The following PSTPIP2 variants were observed in gnomAD, a reference collection of about 807,000 sequenced individuals.
The protein encoded by PSTPIP2 is proline-serine-threonine phosphatase-interacting protein 2.
In PSTPIP2, 33 loss-of-function variants were observed where a neutral mutation model predicts 63.3. The observed-to-expected ratio is 0.52, with a 90% CI of 0.40 to 0.70. The LOEUF is 0.70. Ranked by LOEUF, PSTPIP2 falls within the 30% of genes least tolerant of loss-of-function variation. The probability of loss-of-function intolerance (pLI) is 0.00; values close to 1 mark genes in which losing one functional copy is unlikely to be tolerated. For missense variants in PSTPIP2, 312 were observed against 400.7 expected (o/e 0.78, Z 1.89); for synonymous variants, 125 against 132.7 (o/e 0.94, Z 0.40).
intron 9 of PSTPIP2, chr18:45,993,927 T>C: frequency 2.0e-6 from 1 of 510,742 alleles, no homozygotes. Context: ...GAAATAGTTC[T>C]GAGGGTAAAA....
intron 1 of PSTPIP2, among the ~76,000 whole-genome samples, chr18:46,069,557 C>T (rs1182072645): frequency 2.0e-5 from 3 of 152,302 alleles, no homozygotes; most frequent in East Asian, 1.9e-4. Flanking sequence ...GCTGGGACTA[C>T]AGGCACACGC....
At chr18:46,067,635 T>C (rs1909240408) in intron 1 of PSTPIP2, among the ~76,000 whole-genome samples, 1 of 152,040 alleles carries the variant, frequency 6.6e-6, no homozygotes, top group Non-Finnish European at 1.5e-5. Flanking sequence ...TCTCTGCCAA[T>C]CATAACAGGG....
At chr18:46,005,569 A>ACTC in intron 5 of PSTPIP2, 38 bp from the exon 6 acceptor site, 2 of 1,408,878 alleles carry the variant, frequency 1.4e-6, no homozygotes. Flanking sequence ...TAAAAACACA[A>ACTC]ATCATTATTA....
chr18:46,045,612 GTAAC>G (rs1908356930), intron 1 of PSTPIP2, among the ~76,000 whole-genome samples: 1 of 151,968 alleles, frequency 6.6e-6, no homozygotes, highest in African/African-American at 2.4e-5. Flanking sequence ...GTATACATAT[GTAAC>G]TAACCTGCAC....
At chr18:45,996,047 C>T (rs1239493011) in intron 9 of PSTPIP2, among the ~76,000 whole-genome samples, 1 of 152,176 alleles carries the variant, frequency 6.6e-6, no homozygotes, top group Non-Finnish European at 1.5e-5. Flanking sequence ...AACTCCTGAC[C>T]TCAGGTGATC....
intron 2 of PSTPIP2, 31 bp downstream of exon 2, chr18:46,039,916 C>A: frequency 6.4e-7 from 1 of 1,567,196 alleles, no homozygotes; most frequent in South Asian, 1.1e-5. Flanking sequence ...CTTGGCCCAC[C>A]CTCTTCAGAG....
intron 1 of PSTPIP2, among the ~76,000 whole-genome samples, chr18:46,051,204 A>C (rs1908570351): frequency 6.6e-6 from 1 of 152,092 alleles, no homozygotes; most frequent in Non-Finnish European, 1.5e-5. Flanking sequence ...GGCCGGGTGC[A>C]GTGGCTCACA....
At chr18:46,002,435 C>T (rs1303612502) in intron 6 of PSTPIP2, among the ~76,000 whole-genome samples, 2 of 152,044 alleles carry the variant, frequency 1.3e-5, no homozygotes, top group Non-Finnish European at 2.9e-5. Flanking sequence ...AGCTTATTTT[C>T]TCTCTGTTGT....
intron 1 of PSTPIP2, among the ~76,000 whole-genome samples, chr18:46,041,460 C>G (rs1330007129): frequency 6.6e-6 from 1 of 152,164 alleles, no homozygotes. Flanking sequence ...GTTGCCCAGT[C>G]TGGTCTCGAA....
intron 14 of PSTPIP2, among the ~76,000 whole-genome samples, chr18:45,985,686 T>G (rs929638306): frequency 6.6e-6 from 1 of 152,176 alleles, no homozygotes; most frequent in East Asian, 1.9e-4. Flanking sequence ...TTTTAATCTA[T>G]CTTTACCTAA....
chr18:46,035,225 C>A (rs1246622643), intron 2 of PSTPIP2, among the ~76,000 whole-genome samples: 1 of 151,988 alleles, frequency 6.6e-6, no homozygotes, highest in Non-Finnish European at 1.5e-5. Context: ...GAGTTCAAGA[C>A]CAGCCTGTGG....
chr18:46,040,009 A>G lies in PSTPIP2; in HGVS notation c.72T>C (p.Ile24=). The G allele has an allele frequency of 2.5e-6, 4 of 1,613,332 alleles. No individual in the cohort carries two copies. The highest frequency in any genetic ancestry group is 3.4e-6 in the Non-Finnish European group (4 of 1,179,626). The change falls in exon 2 of 15, where the codon ATT becomes ATC. Residue 24 remains isoleucine (I), a synonymous_variant. Transcript: ENST00000409746. ...TGCGGCCATTGTTCAGATGTTGGAT[A>G]ATGTTGTCATAGCCGATGGTGCTGA... ...DILSTIGYDN[I]IQHLNNGRKN...
chr18:46,011,111 T>C, intron 5 of PSTPIP2, 70 bp downstream of exon 5: 1 of 1,284,368 alleles, frequency 7.8e-7, no homozygotes, highest in Non-Finnish European at 1.1e-6. Context: ...CTGAGGAGTA[T>C]AATGAACAAA....
At chr18:45,987,429 T>G (rs2051479409) in intron 14 of PSTPIP2, among the ~76,000 whole-genome samples, 1 of 148,366 alleles carries the variant, frequency 6.7e-6, no homozygotes, top group Non-Finnish European at 1.5e-5. Flanking sequence ...TGCCTGCCAC[T>G]TGGTCTTCTG....
chr18:46,069,507 T>G (rs1377451134), intron 1 of PSTPIP2, among the ~76,000 whole-genome samples: 1 of 152,206 alleles, frequency 6.6e-6, no homozygotes, highest in African/African-American at 2.4e-5. Context: ...AAATGATTTT[T>G]AGAGACAGGG....
intron 1 of PSTPIP2, among the ~76,000 whole-genome samples, chr18:46,069,221 G>C (rs7359800): frequency 0.42 from 64,368 of 151,942 alleles, 14,846 homozygotes; most frequent in Middle Eastern, 0.56. Context: ...GTGCATGCCC[G>C]TATCTGAAGG....
At chr18:46,024,545 G>T in intron 3 of PSTPIP2, 64 bp downstream of exon 3, 1 of 1,396,658 alleles carries the variant, frequency 7.2e-7, no homozygotes, top group Non-Finnish European at 1.0e-6. Context: ...TCTGTCTGCT[G>T]AAGCGAGGGA....
chr18:46,004,044 G>C (rs1161409131), intron 6 of PSTPIP2, among the ~76,000 whole-genome samples: 2 of 152,104 alleles, frequency 1.3e-5, no homozygotes, highest in East Asian at 3.8e-4. Flanking sequence ...GGGATTACAG[G>C]TGTGAGCCAC....
At chr18:46,067,056 C>T (rs1057143251) in intron 1 of PSTPIP2, among the ~76,000 whole-genome samples, 1 of 149,508 alleles carries the variant, frequency 6.7e-6, no homozygotes, top group Non-Finnish European at 1.5e-5. Context: ...AGGTTTTTGA[C>T]GATTATTTTA....
Sources: gnomAD v4.1 joint callset for allele counts (sites outside exome capture counted in the v4.1 genomes callset) on GRCh38, gnomAD v4.1.1 for gene constraint, MANE v1.5 for transcripts, NCBI Gene and HGNC (gene_info 2026-07-23, HGNC 2026-07-21) for gene names.